The following HEATR5B variants were observed in gnomAD, a reference collection of about 807,000 sequenced individuals.
The protein encoded by HEATR5B is HEAT repeat-containing protein 5B.
In HEATR5B, 156 loss-of-function variants were observed where a neutral mutation model predicts 224.1. The ratio of observed to expected loss-of-function variants is 0.70; its 90% CI spans 0.61 to 0.80. The LOEUF (loss-of-function observed/expected upper bound fraction) is 0.80, where lower values mean the gene tolerates loss of function less well. Among genes scored for constraint, HEATR5B ranks in the 30% least tolerant of loss-of-function variants. The pLI, the probability that HEATR5B is intolerant of heterozygous loss-of-function variation, is 0.00. For synonymous variants in HEATR5B, 1,027 were observed against 893.0 expected (o/e 1.15, Z -2.68); for missense variants, 2,323 against 2,535.5 (o/e 0.92, Z 1.80).
chr2:37,072,306 A>G (rs1671953601), intron 5 of HEATR5B, 25 bp from the exon 6 acceptor site: 3 of 1,451,936 alleles, frequency 2.1e-6, no homozygotes, highest in Non-Finnish European at 1.9e-6. Flanking sequence ...AAAAAAGTAA[A>G]TAACATCCTA....
At chr2:37,080,550 C>T (rs191010348) in intron 2 of HEATR5B, among the ~76,000 whole-genome samples, 1 of 151,982 alleles carries the variant, frequency 6.6e-6, no homozygotes, top group South Asian at 2.1e-4. Context: ...TATGGTTTTC[C>T]CTTGAGCAAC....
chr2:37,057,308 G>A lies in HEATR5B; in HGVS notation c.2223+9C>T. On this transcript the variant is annotated intron_variant, in intron 15 of 35. Coordinates refer to ENST00000233099, the MANE Select transcript of HEATR5B (RefSeq NM_019024.3). ...AAGTTAGTATTTCATTTTCCTCTAT[G>A]TTTATTACCTGGTCTTCAATTGATT... The A allele has an allele frequency of 1.9e-6, 3 of 1,588,856 alleles. No individual in the cohort carries two copies. The highest frequency in any genetic ancestry group is 1.2e-5 in the South Asian group (1 of 86,618).
At chr2:37,070,574 C>G (rs746776446) in intron 6 of HEATR5B, among the ~76,000 whole-genome samples, 187 bp from the exon 7 acceptor site, 1 of 152,060 alleles carries the variant, frequency 6.6e-6, no homozygotes, top group Non-Finnish European at 1.5e-5. Context: ...AAAAAATGCT[C>G]AGAAAATGGA....
intron 34 of HEATR5B, 135 bp from the exon 35 acceptor site, chr2:36,988,994 G>C (rs966779549): frequency 2.0e-5 from 13 of 646,524 alleles, no homozygotes; most frequent in African/African-American, 1.6e-4. Context: ...TCTACTTAGA[G>C]AAATGGAGTA....
chr2:36,983,808 T>C (rs1286326682), intron 35 of HEATR5B, among the ~76,000 whole-genome samples: 2 of 152,014 alleles, frequency 1.3e-5, no homozygotes, highest in African/African-American at 4.8e-5. Context: ...TATATAAAAT[T>C]ATCTTCAGTA....
intron 2 of HEATR5B, among the ~76,000 whole-genome samples, chr2:37,080,029 G>A (rs1381488525): frequency 7.2e-5 from 11 of 152,078 alleles, no homozygotes; most frequent in Admixed American, 6.6e-4. Context: ...AGAAGTGAAG[G>A]GGTGAGCCAT....
chr2:37,070,068 T>G (rs1431375981), intron 7 of HEATR5B, among the ~76,000 whole-genome samples, 162 bp downstream of exon 7: 5 of 152,030 alleles, frequency 3.3e-5, no homozygotes, highest in Non-Finnish European at 7.4e-5. Context: ...TGGCTAATTT[T>G]TTGGTGTTTT....
chr2:37,015,500 C>G (rs1034556715), intron 26 of HEATR5B, among the ~76,000 whole-genome samples: 1 of 152,044 alleles, frequency 6.6e-6, no homozygotes, highest in Admixed American at 6.5e-5. Flanking sequence ...TTAGAAATCC[C>G]AGGATATGGA....
At position 37,065,764 on chromosome 2, in the gene HEATR5B, C is replaced by A. The variant is rs778798250; in HGVS notation, c.1324G>T (p.Ala442Ser). ...NATASPLIQE[A>S]SIGLLEIVTS... Reference sequence around the variant, plus strand: ...TAACTGAATGTCATACCTATAGATGCTTCTTGAATAAGAGGGGATGCGGTG... The same window carrying A: ...TAACTGAATGTCATACCTATAGATGATTCTTGAATAAGAGGGGATGCGGTG... The change falls in exon 9 of 36, where the codon GCA becomes TCA. Residue 442 changes from alanine (A) to serine (S), a missense_variant. Physicochemically the swap from Ala to Ser is moderately conservative, Grantham distance 99 (BLOSUM62 1). This residue lies in a region of HEATR5B where 502 missense variants were observed against 517.8 expected (regional missense o/e 0.97). Transcript: ENST00000233099. The A allele has an allele frequency of 6.2e-7, 1 of 1,613,018 alleles. No homozygotes were observed. Among genetic ancestry groups the A allele is most frequent in the Non-Finnish European group, 8.5e-7 (1 of 1,179,390 alleles).
chr2:37,038,048 T>C (rs1229746586), intron 20 of HEATR5B, 24 bp from the exon 21 acceptor site: 4 of 1,422,584 alleles, frequency 2.8e-6, no homozygotes, highest in Non-Finnish European at 3.7e-6. Context: ...AAAGAAAATA[T>C]AAAATATAAT....
At chr2:37,052,843 G>C (rs1173636890) in intron 17 of HEATR5B, among the ~76,000 whole-genome samples, 7 of 152,188 alleles carry the variant, frequency 4.6e-5, no homozygotes, top group African/African-American at 1.2e-4. Context: ...AGGGCAAGAT[G>C]GAACAGGACA....
chr2:36,989,614 C>T (rs973086473), intron 34 of HEATR5B, among the ~76,000 whole-genome samples: 2 of 152,102 alleles, frequency 1.3e-5, no homozygotes, highest in South Asian at 2.1e-4. Flanking sequence ...GGTTTCCAGA[C>T]CTAGAAAATA....
chr2:36,998,188 T>G (rs887763146), intron 33 of HEATR5B, among the ~76,000 whole-genome samples: 1 of 152,202 alleles, frequency 6.6e-6, no homozygotes, highest in African/African-American at 2.4e-5. Context: ...TTCTTTGTTT[T>G]CAGTTATTTT....
chr2:37,028,121 T>C lies in HEATR5B; in HGVS notation c.3655A>G (p.Lys1219Glu). The C allele has an allele frequency of 6.2e-7, 1 of 1,611,294 alleles. No homozygotes were observed. Among genetic ancestry groups the C allele is most frequent in the Non-Finnish European group, 8.5e-7 (1 of 1,177,392 alleles). ...ATGGTATCATCATCCATCTCATCTTTCTTTTCAGCTTCTTCATCTTTTCCA... is the reference window on the plus strand; with the variant it reads ...ATGGTATCATCATCCATCTCATCTTCCTTTTCAGCTTCTTCATCTTTTCCA... The part of the protein sequence containing the change: ...SSGKDEEAEK[K>E]DEMDDDTMFT... The change falls in exon 24 of 36, where the codon AAA (lysine) becomes GAA (glutamate). Residue 1219 changes from lysine (K) to glutamate (E), a missense_variant. Lys to Glu is a moderately conservative substitution (Grantham distance 56). Around this residue, in one of 12 missense-constraint regions of HEATR5B, gnomAD observed 339 missense variants for 378.4 expected, o/e 0.90. Transcript: ENST00000233099.
At chr2:37,083,897 A>G (rs1184034004) in intron 1 of HEATR5B, among the ~76,000 whole-genome samples, 2 of 152,338 alleles carry the variant, frequency 1.3e-5, no homozygotes, top group East Asian at 3.9e-4. Context: ...CAGCACAGAC[A>G]TCCCGAACTG....
chr2:37,032,817 G>T, intron 21 of HEATR5B, 44 bp from the exon 22 acceptor site: 1 of 1,549,404 alleles, frequency 6.5e-7, no homozygotes, highest in Non-Finnish European at 8.8e-7. Flanking sequence ...TTAAAAAGCT[G>T]TAATTCTTTA....
intron 21 of HEATR5B, among the ~76,000 whole-genome samples, chr2:37,037,184 C>T (rs547495606): frequency 2.0e-5 from 2 of 97,592 alleles, no homozygotes; most frequent in East Asian, 3.2e-4. Flanking sequence ...CTTGCTCTGT[C>T]GCCCAGGCTG....
intron 27 of HEATR5B, among the ~76,000 whole-genome samples, chr2:37,012,132 C>T (rs768084265): frequency 4.6e-5 from 7 of 152,164 alleles, no homozygotes; most frequent in Non-Finnish European, 1.0e-4. Context: ...TGCTACTACT[C>T]AGATACAATG....
At chr2:36,985,894 TA>T (rs1168226842) in intron 35 of HEATR5B, among the ~76,000 whole-genome samples, 1 of 152,084 alleles carries the variant, frequency 6.6e-6, no homozygotes, top group Admixed American at 6.6e-5. Flanking sequence ...AAGATATTGC[TA>T]AAGCCTAACT....
Sources: gnomAD v4.1 joint callset for allele counts (sites outside exome capture counted in the v4.1 genomes callset) on GRCh38, gnomAD v4.1.1 for gene constraint, gnomAD v4.1.1 regional missense constraint, MANE v1.5 for transcripts, NCBI Gene and HGNC (gene_info 2026-07-23, HGNC 2026-07-21) for gene names.